Variants in RGL3 observed in about 807,000 individuals in gnomAD.
The protein encoded by RGL3 is ral guanine nucleotide dissociation stimulator-like 3.
In RGL3, 85 loss-of-function variants were observed where a neutral mutation model predicts 90.6. That is an observed-to-expected ratio of 0.94 (90% confidence interval 0.79 to 1.12). The LOEUF is 1.12. Ranked by LOEUF, RGL3 falls within the 50% of genes most tolerant of loss-of-function variation. The pLI is 0.00. For missense variants in RGL3, 1,034 were observed against 939.2 expected, an observed-to-expected ratio of 1.10 and a Z score of -1.32; for synonymous variants, 408 against 385.5, an observed-to-expected ratio of 1.06 and a Z score of -0.68.
intron 5 of RGL3, among the ~76,000 whole-genome samples, chr19:11,407,405 C>T (rs1195673488): frequency 6.6e-6 from 1 of 152,056 alleles, no homozygotes; most frequent in East Asian, 1.9e-4. Flanking sequence ...TATTATTTAT[C>T]CACCTTTTAC....
chr19:11,401,863 G>A, intron 13 of RGL3, 148 bp downstream of exon 13: 1 of 1,067,566 alleles, frequency 9.4e-7, no homozygotes, highest in Non-Finnish European at 1.3e-6. Flanking sequence ...TTCGACTGGA[G>A]ATACTGCAAG....
At position 11,397,550 on chromosome 19, in the gene RGL3, A is replaced by G; in HGVS notation, c.1794T>C (p.Pro598=). The stretch of plus-strand genomic sequence containing the variant: ...GGAGGGGGATTCGAGGGCTGCCCAG[A>G]GGCAAAGCGAAGGGCCGGGGGCTGG... ...DLPSPRPFAL[P]LGSPRIPLPA... Residue 598 remains proline (P), a synonymous_variant, in exon 17 of 19, where the codon CCT becomes CCC. Transcript: ENST00000380456. 1 of 1,606,370 alleles carries G rather than the reference A, an allele frequency of 6.2e-7. No homozygotes were observed. The highest frequency in any genetic ancestry group is 8.5e-7 in the Non-Finnish European group (1 of 1,176,068).
rs112148282 is a variant in RGL3 at position 11,418,460 on chromosome 19, G to T, written c.147+211C>A. 232 of 576,316 alleles carry T rather than the reference G, an allele frequency of 4.0e-4. 2 individuals carry two copies. In the African/African-American group the frequency reaches 4.1e-3, roughly 10 times the overall value. 35.7% of individuals were successfully genotyped at this position (576,316 alleles called of 1,614,324 possible). A position where few individuals can be genotyped will look rare whatever the true frequency, so the allele number is the denominator to read the frequency against. The stretch of plus-strand genomic sequence containing the variant: ...CCTAGGCTCCTCTCGGGAACTGCGC[G>T]GCCATCGCCTGGCCCCACCCCATTC... On this transcript the variant is annotated intron_variant, in intron 2 of 18. Transcript: ENST00000380456.
chr19:11,417,595 A>G (rs1451711734), intron 2 of RGL3, among the ~76,000 whole-genome samples: 2 of 149,152 alleles, frequency 1.3e-5, no homozygotes, highest in Non-Finnish European at 3.0e-5. Flanking sequence ...TCAGCCTCCC[A>G]AGTATCTGGG....
intron 5 of RGL3, among the ~76,000 whole-genome samples, chr19:11,410,065 A>G (rs1968846876): frequency 1.3e-5 from 2 of 151,732 alleles, no homozygotes; most frequent in Non-Finnish European, 2.9e-5. Flanking sequence ...CAGCCTCCTG[A>G]GCAACTGGGA....
intron 7 of RGL3, among the ~76,000 whole-genome samples, chr19:11,405,686 C>CTTATTA (rs921856063): frequency 6.8e-6 from 1 of 147,956 alleles, no homozygotes; most frequent in Non-Finnish European, 1.5e-5. Flanking sequence ...TCATGCATGG[C>CTTATTA]TTATTATTAT....
chr19:11,415,859 G>A lies in RGL3; in HGVS notation c.637+78C>T, dbSNP rs915539380. Reference sequence around the variant, plus strand: ...TTGCTTAAGTTTTGTAGCTCTGAGAGGGGAGAGAAAGCCTGTGTGGGAAGA... The same window carrying A: ...TTGCTTAAGTTTTGTAGCTCTGAGAAGGGAGAGAAAGCCTGTGTGGGAAGA... On this transcript the variant is annotated intron_variant, in intron 5 of 18. Coordinates refer to ENST00000380456, the MANE Select transcript of RGL3 (RefSeq NM_001035223.4). The A allele has an allele frequency of 5.6e-6, 7 of 1,260,602 alleles. No homozygotes were observed. The African/African-American group carries it at 6.1e-5, about 11-fold the overall frequency. The allele number at this position is 1,260,602 out of a possible 1,614,324, so 78.1% of individuals were successfully genotyped here.
intron 9 of RGL3, among the ~76,000 whole-genome samples, chr19:11,404,163 G>A (rs746337976): frequency 3.3e-5 from 5 of 152,178 alleles, no homozygotes; most frequent in Non-Finnish European, 5.9e-5. Context: ...GATTATAGGC[G>A]TGAGTCACTG....
At chr19:11,407,713 G>A (rs1056342754) in intron 5 of RGL3, among the ~76,000 whole-genome samples, 2 of 148,686 alleles carry the variant, frequency 1.3e-5, no homozygotes, top group African/African-American at 5.0e-5. Context: ...TTAAGACGGA[G>A]TCTGACTCTG....
At position 11,399,909 on chromosome 19, in the gene RGL3, A is replaced by C. The variant is rs1481405401; in HGVS notation, c.1692T>G (p.Asp564Glu). Reference protein sequence around the residue: ...GSPPSSPRSRDAPAGSPPASP... With the variant: ...GSPPSSPRSREAPAGSPPASP... ...AGGCCGGGGGACTGCCAGCAGGAGC[A>C]TCTCTGCTTCTAGGACTTGAGGGGG... Residue 564 changes from aspartate to glutamate, a missense_variant, in exon 16 of 19, where the codon GAT becomes GAG. Transcript: ENST00000380456. 6.5e-7 allele frequency: 1 copy of C among 1,529,270 alleles called. No homozygotes were observed. The highest frequency in any genetic ancestry group is 8.7e-7 in the Non-Finnish European group (1 of 1,142,892). 94.7% of individuals were successfully genotyped at this position (1,529,270 alleles called of 1,614,324 possible). A position where few individuals can be genotyped will look rare whatever the true frequency, so the allele number is the denominator to read the frequency against.
chr19:11,405,222 T>G lies in RGL3; in HGVS notation c.1110A>C (p.Leu370=). 1 of 1,614,034 alleles carries G rather than the reference T, an allele frequency of 6.2e-7. No individual in the cohort carries two copies. Among genetic ancestry groups the G allele is most frequent in the South Asian group, 1.1e-5 (1 of 91,080 alleles). The change falls in exon 9 of 19, where the codon CTA becomes CTC. Residue 370 remains leucine, a synonymous_variant. Coordinates refer to ENST00000380456, the MANE Select transcript of RGL3 (RefSeq NM_001035223.4). The stretch of plus-strand genomic sequence containing the variant: ...TCTGCGAAAGTTTCCTGAAAGTAGA[T>G]AGCGGTTCCCTGGAAGGACAGGAGA... ...RSWGAVSREP[L]STFRKLSQIF... is the part of the protein sequence containing the mutation.
chr19:11,401,946 G>GT, intron 13 of RGL3, 65 bp downstream of exon 13: 1 of 1,503,526 alleles, frequency 6.7e-7, no homozygotes, highest in African/African-American at 1.4e-5. Flanking sequence ...TATGGAGTGG[G>GT]TGGAATCCAG....
At chr19:11,408,592 A>AAT (rs1400682039) in intron 5 of RGL3, among the ~76,000 whole-genome samples, 1 of 151,910 alleles carries the variant, frequency 6.6e-6, no homozygotes, top group Non-Finnish European at 1.5e-5. Flanking sequence ...CTCAAAAAAA[A>AAT]AAAAAAAGAT....
chr19:11,404,437 G>C (rs1968733140), intron 9 of RGL3, among the ~76,000 whole-genome samples: 1 of 152,198 alleles, frequency 6.6e-6, no homozygotes, highest in Non-Finnish European at 1.5e-5. Flanking sequence ...GAGGCAGAGA[G>C]AATTGCTTGA....
In RGL3 at chr19:11,418,701, C is replaced by T. The variant is rs758909614; in HGVS notation, c.117G>A (p.Arg39=). The T allele has an allele frequency of 6.4e-7, 1 of 1,569,856 alleles. No individual in the cohort carries two copies. The highest frequency in any genetic ancestry group is 8.6e-7 in the Non-Finnish European group (1 of 1,163,086). ...TGCCCCCGGGGCCCTCCGCCGGGCTCCTGCGCTGACTGCGCTGCCGCCGCA... is the reference window on the plus strand; with the variant it reads ...TGCCCCCGGGGCCCTCCGCCGGGCTTCTGCGCTGACTGCGCTGCCGCCGCA... ...VSLRRQRSQR[R]SPAEGPGGSQ... The change falls in exon 2 of 19, where the codon AGG becomes AGA. Residue 39 remains arginine (R), a synonymous_variant. Transcript: ENST00000380456.
intron 8 of RGL3, 28 bp from the exon 9 acceptor site, chr19:11,405,259 G>T: frequency 6.2e-7 from 1 of 1,613,064 alleles, no homozygotes; most frequent in Non-Finnish European, 8.5e-7. Flanking sequence ...GGGTGGTCAG[G>T]GGTCAGTGGC....
Position 11,406,742 on chromosome 19 carries a change from G to T in RGL3, c.760C>A (p.Gln254Lys). The change falls in exon 6 of 19, where the codon CAG becomes AAG. Residue 254 changes from glutamine to lysine, a missense_variant. Transcript: ENST00000380456. ...LDFSVDEVAE[Q>K]LTLIDLELFS... ...CTCACCAAGTCTATGAGGGTCAGCT[G>T]CTCGGCCACCTCGTCCACGCTGAAG... 1 of 1,614,024 alleles carries T rather than the reference G, an allele frequency of 6.2e-7. No individual in the cohort carries two copies. The highest frequency in any genetic ancestry group is 8.5e-7 in the Non-Finnish European group (1 of 1,180,014).
chr19:11,399,024 A>C (rs1294867975), intron 16 of RGL3, among the ~76,000 whole-genome samples: 5 of 152,048 alleles, frequency 3.3e-5, no homozygotes, highest in Non-Finnish European at 7.4e-5. Context: ...GTGCCGTGGC[A>C]TGATCGTAGC....
chr19:11,416,937 G>T lies in RGL3; in HGVS notation c.270C>A (p.Pro90=). The change falls in exon 3 of 19, where the codon CCC becomes CCA. Residue 90 remains proline (P), a synonymous_variant. Transcript: ENST00000380456. ...TGGCCAGGAAGGCGGGCATGAAGCT[G>T]GGGTCCTGCTCACGGTCTCCAAACA... ...ELVFGDREQD[P]SFMPAFLATY... The T allele has an allele frequency of 6.2e-7, 1 of 1,614,074 alleles. No individual in the cohort carries two copies. The highest frequency in any genetic ancestry group is 8.5e-7 in the Non-Finnish European group (1 of 1,180,016).
Sources: gnomAD v4.1 joint callset for allele counts (sites outside exome capture counted in the v4.1 genomes callset) on GRCh38, gnomAD v4.1.1 for gene constraint, MANE v1.5 for transcripts, NCBI Gene and HGNC (gene_info 2026-07-23, HGNC 2026-07-21) for gene names.